Variants in NCAM2 observed in about 807,000 individuals in gnomAD.
NCAM2 encodes the protein N-CAM-2.
Under a neutral mutation model 98.1 loss-of-function variants are expected in NCAM2, and 30 were observed. That is an observed-to-expected ratio of 0.31 (90% CI 0.23 to 0.41). The LOEUF (loss-of-function observed/expected upper bound fraction) is 0.41. NCAM2 is among the 10% of genes least tolerant of loss of function. The pLI is 1.00. For missense variants in NCAM2, 867 were observed against 1,005.8 expected, an observed-to-expected ratio of 0.86 and a Z score of 1.87; for synonymous variants, 368 against 342.4, an observed-to-expected ratio of 1.07 and a Z score of -0.83.
chr21:21,081,874 C>G (rs925753342), intron 1 of NCAM2, among the ~76,000 whole-genome samples: 1 of 145,500 alleles, frequency 6.9e-6, no homozygotes, highest in Non-Finnish European at 1.5e-5. Context: ...AACAAACAAA[C>G]ACTTTATTGA....
In NCAM2 at chr21:21,432,171, C is replaced by T. The variant is rs2077361466; in HGVS notation, c.1544C>T (p.Ser515Phe). 6.2e-7 allele frequency: 1 copy of T among 1,614,078 alleles called. No individual in the cohort carries two copies. Among genetic ancestry groups the T allele is most frequent in the Non-Finnish European group, 8.5e-7 (1 of 1,179,944 alleles). The change falls in exon 12 of 18, where the codon TCC becomes TTC. Residue 515 changes from serine (S) to phenylalanine (F), a missense_variant. Physicochemically the swap from Ser to Phe is radical, Grantham distance 155 (BLOSUM62 -2). Coordinates refer to ENST00000400546, the MANE Select transcript of NCAM2 (RefSeq NM_004540.5). Reference protein sequence around the residue: ...IELSQTTAKVSFNKPDSHGGV... With the variant: ...IELSQTTAKVFFNKPDSHGGV... The stretch of plus-strand genomic sequence containing the variant: ...CTGTCGCAGACCACGGCCAAGGTTT[C>T]CTTCAACAAACCGGACTCCCATGGA...
chr21:21,401,296 AC>A (rs2076624936), intron 9 of NCAM2, among the ~76,000 whole-genome samples: 1 of 176 alleles, frequency 5.7e-3, no homozygotes, highest in Non-Finnish European at 0.01. Flanking sequence ...TCTTCACCTC[AC>A]AATACTCAGC....
intron 5 of NCAM2, 88 bp from the exon 6 acceptor site, chr21:21,324,295 G>C (rs905760754): frequency 2.2e-6 from 2 of 892,574 alleles, no homozygotes; most frequent in African/African-American, 3.3e-5. Flanking sequence ...GATGACATTT[G>C]AAAGCTTAAA....
At chr21:21,464,225 G>A (rs1983377078) in intron 12 of NCAM2, among the ~76,000 whole-genome samples, 1 of 151,980 alleles carries the variant, frequency 6.6e-6, no homozygotes. Flanking sequence ...ATATGGAAAG[G>A]CATACCATAT....
At chr21:21,209,193 G>C (rs1009410733) in intron 1 of NCAM2, among the ~76,000 whole-genome samples, 1 of 151,924 alleles carries the variant, frequency 6.6e-6, no homozygotes, top group Non-Finnish European at 1.5e-5. Flanking sequence ...CCATTTCTAG[G>C]GTTGATAATG....
intron 1 of NCAM2, among the ~76,000 whole-genome samples, chr21:21,070,540 A>G (rs116250624): frequency 1.0e-3 from 157 of 152,138 alleles, no homozygotes; most frequent in African/African-American, 3.7e-3. Flanking sequence ...AGTAAGGAAA[A>G]CATGAGTATT....
intron 15 of NCAM2, among the ~76,000 whole-genome samples, chr21:21,501,356 C>A (rs1198205434): frequency 6.6e-6 from 1 of 151,888 alleles, no homozygotes; most frequent in Non-Finnish European, 1.5e-5. Flanking sequence ...ATAATGTTAA[C>A]TATTACCAGT....
chr21:21,081,463 C>G (rs2065796808), intron 1 of NCAM2, among the ~76,000 whole-genome samples: 1 of 152,128 alleles, frequency 6.6e-6, no homozygotes, highest in African/African-American at 2.4e-5. Flanking sequence ...CTGCCTATTC[C>G]TGACTAGCTA....
intron 9 of NCAM2, among the ~76,000 whole-genome samples, chr21:21,387,524 A>G (rs1275731195): frequency 2.0e-5 from 3 of 151,986 alleles, no homozygotes; most frequent in Non-Finnish European, 4.4e-5. Context: ...AAGACAAAAA[A>G]AAAACTCAGT....
At chr21:21,425,361 T>G (rs935052109) in intron 11 of NCAM2, among the ~76,000 whole-genome samples, 1 of 152,300 alleles carries the variant, frequency 6.6e-6, no homozygotes, top group African/African-American at 2.4e-5. Flanking sequence ...TTCAAAATTT[T>G]TTTCTGGCTC....
At chr21:21,385,524 C>T (rs755393837) in intron 9 of NCAM2, 6 of 583,720 alleles carry the variant, frequency 1.0e-5, no homozygotes, top group Admixed American at 2.5e-5. Flanking sequence ...TGATAGAAGC[C>T]GCATTTACTG....
intron 15 of NCAM2, among the ~76,000 whole-genome samples, chr21:21,479,361 A>T (rs933344269): frequency 6.6e-6 from 1 of 151,840 alleles, no homozygotes; most frequent in African/African-American, 2.4e-5. Flanking sequence ...AGGTGGGCGG[A>T]TCACGAGGTC....
At chr21:21,036,183 T>A (rs2064793777) in intron 1 of NCAM2, among the ~76,000 whole-genome samples, 1 of 152,186 alleles carries the variant, frequency 6.6e-6, no homozygotes, top group African/African-American at 2.4e-5. Flanking sequence ...TTGATCAAAA[T>A]ATGATCCCCA....
intron 1 of NCAM2, among the ~76,000 whole-genome samples, chr21:21,115,523 T>C (rs1423057494): frequency 6.6e-6 from 1 of 152,206 alleles, no homozygotes; most frequent in African/African-American, 2.4e-5. Flanking sequence ...GTTAGGTCAA[T>C]GTTTGGAAAT....
chr21:21,068,092 A>G (rs1242976231), intron 1 of NCAM2, among the ~76,000 whole-genome samples: 1 of 152,044 alleles, frequency 6.6e-6, no homozygotes, highest in East Asian at 1.9e-4. Context: ...TAACCAAATA[A>G]AGACTAATTA....
At chr21:21,119,289 A>C (rs1171426447) in intron 1 of NCAM2, among the ~76,000 whole-genome samples, 2 of 152,162 alleles carry the variant, frequency 1.3e-5, no homozygotes, top group African/African-American at 4.8e-5. Context: ...TTTTCAGCCC[A>C]AGGGTACTAA....
At position 21,038,919 on chromosome 21, in the gene NCAM2, A is replaced by G. The variant is rs561062349; in HGVS notation, c.55+40301A>G. ...TTCTACAGGAAGACCTTCTTTTGAT[A>G]TGTATAATCTTAGAATTGTAACCGT... On this transcript the variant is annotated intron_variant, in intron 1 of 17. Transcript: ENST00000400546. 2.6e-5 allele frequency among the ~76,000 whole-genome samples: 4 copies of G among 152,294 alleles called. No individual in the cohort carries two copies. In the East Asian group the frequency reaches 7.7e-4, roughly 30 times the overall value.
intron 1 of NCAM2, among the ~76,000 whole-genome samples, chr21:21,222,421 C>A (rs2070206873): frequency 1.3e-5 from 2 of 152,154 alleles, no homozygotes; most frequent in Admixed American, 6.6e-5. Flanking sequence ...GGATTTACCA[C>A]TCTACATGCC....
chr21:21,505,012 A>G (rs559524764), intron 15 of NCAM2, among the ~76,000 whole-genome samples: 1 of 152,114 alleles, frequency 6.6e-6, no homozygotes, highest in South Asian at 2.1e-4. Context: ...GCTATTAAAT[A>G]CCTGATCTTA....
Sources: allele counts gnomAD v4.1 joint callset (sites outside exome capture counted in the v4.1 genomes callset), GRCh38; gene constraint gnomAD v4.1.1; transcripts MANE v1.5; gene names NCBI Gene and HGNC (gene_info 2026-07-23, HGNC 2026-07-21).